QSOX1: variants seen among roughly 807,000 people sequenced by gnomAD.
The protein encoded by QSOX1 is quiescin sulfhydryl oxidase 1, also known as sulfhydryl oxidase 1.
QSOX1 carries 40 observed loss-of-function variants against 76.1 expected under a neutral mutation model. The observed-to-expected ratio is 0.53, with a 90% CI of 0.41 to 0.68. The LOEUF (loss-of-function observed/expected upper bound fraction) is 0.68, where lower values mean the gene tolerates loss of function less well. QSOX1 is among the 30% of genes least tolerant of loss of function. The pLI is 0.00. For missense variants in QSOX1, 931 were observed against 974.3 expected (o/e 0.96, Z 0.59); for synonymous variants, 392 against 413.1 (o/e 0.95, Z 0.62).
chr1:180,166,258 A>G (rs559600169), intron 1 of QSOX1, among the ~76,000 whole-genome samples: 1 of 152,354 alleles, frequency 6.6e-6, no homozygotes, highest in South Asian at 2.1e-4. Flanking sequence ...ATGAGGCAGT[A>G]TGACTTATGC....
chr1:180,175,570 G>A (rs1426796619), intron 3 of QSOX1, among the ~76,000 whole-genome samples: 1 of 152,172 alleles, frequency 6.6e-6, no homozygotes, highest in African/African-American at 2.4e-5. Flanking sequence ...AGCCCTTCAG[G>A]TTGGACATAT....
chr1:180,173,877 A>G (rs1662817503), intron 2 of QSOX1, among the ~76,000 whole-genome samples: 1 of 152,228 alleles, frequency 6.6e-6, no homozygotes, highest in Non-Finnish European at 1.5e-5. Context: ...TTCAAGGTAG[A>G]TGGTGTCATC....
chr1:180,186,125 G>C lies in QSOX1; in HGVS notation c.960G>C (p.Pro320=), dbSNP rs371348842. Reference sequence around the variant, plus strand: ...TGCGGATAGAAGTGGGCAGGTTCCCGGTCCTGGAAGGGCAGCGCCTGGTGG... The same window carrying C: ...TGCGGATAGAAGTGGGCAGGTTCCCCGTCCTGGAAGGGCAGCGCCTGGTGG... ...YILRIEVGRF[P]VLEGQRLVAL... Residue 320 remains proline, a synonymous_variant, in exon 8 of 12, where the codon CCG becomes CCC. Coordinates refer to ENST00000367602, the MANE Select transcript of QSOX1 (RefSeq NM_002826.5). The C allele has an allele frequency of 1.9e-6, 3 of 1,614,076 alleles. No individual in the cohort carries two copies. Among genetic ancestry groups the C allele is most frequent in the Admixed American group, 1.7e-5 (1 of 60,010 alleles).
Position 180,196,256 on chromosome 1 carries a change from C to T in QSOX1, c.1469-6C>T, listed in dbSNP as rs746433877. Reference sequence around the variant, plus strand: ...ACCACCAGCCTGTGTATGCTTCCCTCTGTAGGTGCCCCCAGCGAGGACCCC... The same window carrying T: ...ACCACCAGCCTGTGTATGCTTCCCTTTGTAGGTGCCCCCAGCGAGGACCCC... On this transcript the variant is annotated splice_polypyrimidine_tract_variant and splice_region_variant and intron_variant, in intron 11 of 11. Coordinates refer to ENST00000367602, the MANE Select transcript of QSOX1 (RefSeq NM_002826.5). This position sits in a 1 kb window ranked among gnomAD's most constrained non-coding sequence, Gnocchi z 4.1. 1.9e-6 allele frequency: 3 copies of T among 1,606,538 alleles called. No individual in the cohort carries two copies. Among genetic ancestry groups the T allele is most frequent in the Non-Finnish European group, 2.6e-6 (3 of 1,174,694 alleles).
chr1:180,187,680 T>C (rs1043493372), intron 8 of QSOX1, among the ~76,000 whole-genome samples: 5 of 152,262 alleles, frequency 3.3e-5, no homozygotes, highest in Admixed American at 2.0e-4. Flanking sequence ...CCTCTGTGCC[T>C]GCTGAGTCTC....
At chr1:180,184,934 T>G (rs1318416835) in intron 7 of QSOX1, among the ~76,000 whole-genome samples, 1 of 152,180 alleles carries the variant, frequency 6.6e-6, no homozygotes, top group Non-Finnish European at 1.5e-5. Context: ...TTATGAATGA[T>G]CATCATAATC....
intron 1 of QSOX1, among the ~76,000 whole-genome samples, chr1:180,163,030 T>A (rs1662529538): frequency 6.6e-6 from 1 of 152,170 alleles, no homozygotes; most frequent in South Asian, 2.1e-4. Flanking sequence ...AACCTTTCAC[T>A]GTTTCCTTTT....
At chr1:180,156,029 T>C (rs79188595) in intron 1 of QSOX1, among the ~76,000 whole-genome samples, 4,838 of 152,282 alleles carry the variant, frequency 0.032, 246 homozygotes, top group African/African-American at 0.11. Context: ...CCACTACATG[T>C]ATAAAGATTT....
intron 1 of QSOX1, among the ~76,000 whole-genome samples, chr1:180,160,791 G>A (rs1662476813): frequency 6.6e-6 from 1 of 152,210 alleles, no homozygotes; most frequent in Non-Finnish European, 1.5e-5. Flanking sequence ...TCTTTGTGTA[G>A]CGTACACGTC....
chr1:180,188,103 C>T (rs1227009010), intron 8 of QSOX1, among the ~76,000 whole-genome samples: 3 of 152,198 alleles, frequency 2.0e-5, no homozygotes, highest in Non-Finnish European at 2.9e-5. Context: ...AGCACCTTGC[C>T]AGGGTCTTCC....
chr1:180,172,114 G>T (rs548698457), intron 2 of QSOX1, among the ~76,000 whole-genome samples: 1 of 152,102 alleles, frequency 6.6e-6, no homozygotes, highest in African/African-American at 2.4e-5. Context: ...AAGGAAATGC[G>T]GTTACTCGAG....
Position 180,180,148 on chromosome 1 carries a change from G to C in QSOX1, c.606+1264G>C, listed in dbSNP as rs551656193. Among the ~76,000 whole-genome samples, 27 of 152,362 alleles carry C rather than the reference G, an allele frequency of 1.8e-4. No individual in the cohort carries two copies. The East Asian group carries it at 5.2e-3, about 29-fold the overall frequency. ...CATATGCAAGCTGTGTGATCTGGAG[G>C]CATGATTTCACTTCTAAGCCTCAGT... On this transcript the variant is annotated intron_variant, in intron 5 of 11. Coordinates refer to ENST00000367602, the MANE Select transcript of QSOX1 (RefSeq NM_002826.5).
At position 180,196,408 on chromosome 1, in the gene QSOX1, A is replaced by C; in HGVS notation, c.1615A>C (p.Asn539His). The C allele has an allele frequency of 6.2e-7, 1 of 1,614,184 alleles. No homozygotes were observed. Among genetic ancestry groups the C allele is most frequent in the Non-Finnish European group, 8.5e-7 (1 of 1,180,026 alleles). ...CCTCAAGGCCCACTTCTCCCCAAGCAACATCATCCTGGACTTCCCTGCAGC... is the reference window on the plus strand; with the variant it reads ...CCTCAAGGCCCACTTCTCCCCAAGCCACATCATCCTGGACTTCCCTGCAGC... The part of the protein sequence containing the change: ...NFLKAHFSPS[N>H]IILDFPAAGS... The change falls in exon 12 of 12, where the codon AAC becomes CAC. Residue 539 changes from asparagine to histidine, a missense_variant. Coordinates refer to ENST00000367602, the MANE Select transcript of QSOX1 (RefSeq NM_002826.5). This position sits in a 1 kb window ranked among gnomAD's most constrained non-coding sequence, Gnocchi z 4.1.
At chr1:180,179,753 C>G (rs892857648) in intron 5 of QSOX1, among the ~76,000 whole-genome samples, 14 of 152,348 alleles carry the variant, frequency 9.2e-5, no homozygotes, top group African/African-American at 3.4e-4. Context: ...AGTGATTTTC[C>G]TGCTGAAACT....
At chr1:180,177,293 C>A (rs568547479) in intron 4 of QSOX1, among the ~76,000 whole-genome samples, 63 of 150,830 alleles carry the variant, frequency 4.2e-4, no homozygotes, top group African/African-American at 1.4e-3. Context: ...CGCTCTGTTG[C>A]CCAGGCTGGG....
Position 180,161,553 on chromosome 1 carries a change from A to G in QSOX1, c.266-4938A>G, listed in dbSNP as rs552435562. Among the ~76,000 whole-genome samples the G allele has an allele frequency of 6.6e-5, 10 of 152,380 alleles. No individual in the cohort carries two copies. The East Asian group carries it at 1.9e-3, about 29-fold the overall frequency. On this transcript the variant is annotated intron_variant, in intron 1 of 11. Transcript: ENST00000367602. ...ATAACAGTATTGCCATAAAAATAGG[A>G]ATATTCACAAATAGTTTCTGAATTC...
chr1:180,180,537 TG>T (rs1558188975), intron 5 of QSOX1, among the ~76,000 whole-genome samples: 1 of 150,642 alleles, frequency 6.6e-6, no homozygotes, highest in Non-Finnish European at 1.5e-5. Context: ...TATTTTGAGA[TG>T]GAGTCTCGCT....
At chr1:180,159,412 AC>A (rs1662445502) in intron 1 of QSOX1, among the ~76,000 whole-genome samples, 1 of 152,196 alleles carries the variant, frequency 6.6e-6, no homozygotes, top group African/African-American at 2.4e-5. Flanking sequence ...TCACATAAGG[AC>A]CTTCTCTATT....
rs997242054 is a variant in QSOX1 at position 180,175,166 on chromosome 1, A to AG, written c.367-155_367-154insG. 5.8e-4 allele frequency among the ~76,000 whole-genome samples: 88 copies of AG among 151,468 alleles called. 1 individual carries two copies. Among genetic ancestry groups the AG allele is most frequent in the African/African-American group, 1.9e-3 (78 of 41,218 alleles). ...AGCGAGACTCTGTCTCAAAAAAAAA[A>AG]AAAGAAAGAAAGAAAAAAGAAACAG... On this transcript the variant is annotated intron_variant, in intron 2 of 11. Coordinates refer to ENST00000367602, the MANE Select transcript of QSOX1 (RefSeq NM_002826.5).
Sources: gnomAD v4.1 joint callset for allele counts (sites outside exome capture counted in the v4.1 genomes callset) on GRCh38, gnomAD v4.1.1 for gene constraint, Gnocchi (gnomAD v3.1) non-coding constraint, MANE v1.5 for transcripts, NCBI Gene and HGNC (gene_info 2026-07-23, HGNC 2026-07-21) for gene names.